CHL1: variants seen among roughly 807,000 people sequenced by gnomAD.
CHL1 encodes cell adhesion molecule L1 like.
In CHL1, 96 loss-of-function variants were observed where a neutral mutation model predicts 141.9. That is an observed-to-expected ratio of 0.68 (90% CI 0.57 to 0.80). The LOEUF is 0.80. CHL1 is among the 30% of genes least tolerant of loss of function. The probability of loss-of-function intolerance (pLI) is 0.00; values close to 1 mark genes in which losing one functional copy is unlikely to be tolerated. For missense variants in CHL1, 1,820 were observed against 1,457.2 expected (o/e 1.25, Z -4.05); for synonymous variants, 613 against 502.2 (o/e 1.22, Z -2.95).
At chr3:374,134 T>A (rs1706001470) in intron 15 of CHL1, 1 of 149,336 alleles carries the variant, frequency 6.7e-6, no homozygotes, top group African/African-American at 2.5e-5. Context: ...GCTTGCTTGG[T>A]CTATGTTGGT....
At chr3:343,372 G>C (rs1702495658) in intron 8 of CHL1, among the ~76,000 whole-genome samples, 1 of 151,264 alleles carries the variant, frequency 6.6e-6, no homozygotes, top group African/African-American at 2.5e-5. Flanking sequence ...AAATGGTTAA[G>C]TGTCAAAAGA....
chr3:323,272 G>C (rs991952016), intron 3 of CHL1, among the ~76,000 whole-genome samples: 12 of 152,040 alleles, frequency 7.9e-5, no homozygotes, highest in Non-Finnish European at 1.8e-4. Flanking sequence ...TAGAATTGTG[G>C]AGGACATGTA....
intron 2 of CHL1, among the ~76,000 whole-genome samples, chr3:266,375 A>G (rs995728525): frequency 6.6e-6 from 1 of 152,162 alleles, no homozygotes; most frequent in South Asian, 2.1e-4. Flanking sequence ...GGAAGGATGC[A>G]TTGGAAGCAA....
intron 2 of CHL1, among the ~76,000 whole-genome samples, chr3:299,535 A>G (rs563905987): frequency 1.3e-4 from 20 of 152,332 alleles, no homozygotes; most frequent in African/African-American, 4.6e-4. Context: ...AGAAATTACT[A>G]TGTTCCAGGT....
intron 2 of CHL1, among the ~76,000 whole-genome samples, chr3:265,102 C>T (rs945242302): frequency 9.9e-5 from 15 of 152,230 alleles, no homozygotes; most frequent in African/African-American, 3.1e-4. Flanking sequence ...GTGCCAAGTG[C>T]TGTGTTTATT....
At chr3:214,426 T>G (rs941345121) in intron 1 of CHL1, among the ~76,000 whole-genome samples, 1 of 152,224 alleles carries the variant, frequency 6.6e-6, no homozygotes, top group Non-Finnish European at 1.5e-5. Flanking sequence ...CTTGTATTCA[T>G]GTAACCTTCC....
chr3:387,812 A>G (rs1428864915), intron 19 of CHL1, among the ~76,000 whole-genome samples: 3 of 152,212 alleles, frequency 2.0e-5, no homozygotes. Flanking sequence ...AGGTCTGCAG[A>G]AAATCTCAGA....
At chr3:256,712 A>C (rs553198481) in intron 2 of CHL1, among the ~76,000 whole-genome samples, 1 of 152,322 alleles carries the variant, frequency 6.6e-6, no homozygotes, top group African/African-American at 2.4e-5. Context: ...GGCCCATAAA[A>C]TTCCCATGAA....
intron 1 of CHL1, chr3:213,133 GGGA>G (rs1428838624): frequency 6.6e-6 from 1 of 152,156 alleles, no homozygotes; most frequent in Admixed American, 6.6e-5. Flanking sequence ...TTATAAAATA[GGGA>G]GATTAGAAAA....
chr3:302,522 C>T (rs1221511419), intron 2 of CHL1, among the ~76,000 whole-genome samples: 1 of 152,098 alleles, frequency 6.6e-6, no homozygotes, highest in Non-Finnish European at 1.5e-5. Flanking sequence ...TTTCATATGT[C>T]TGTTGGCTGC....
chr3:360,566 G>A (rs1260441391), intron 12 of CHL1, 142 bp downstream of exon 12: 5 of 793,128 alleles, frequency 6.3e-6, no homozygotes, highest in Non-Finnish European at 9.9e-6. Flanking sequence ...TTGAGTTTTA[G>A]ACTTCACACT....
In CHL1 at chr3:314,325, A is replaced by ATG. The variant is rs200073063; in HGVS notation, c.-94-5354_-94-5353dup. Among the ~76,000 whole-genome samples the ATG allele has an allele frequency of 1.9e-3, 107 of 55,196 alleles. 2 individuals are homozygous for ATG. Among genetic ancestry groups the ATG allele is most frequent in the African/African-American group, 5.5e-3 (44 of 7,984 alleles). The allele number at this position is 55,196 out of a possible 152,430, so 36.2% of individuals were successfully genotyped here. On this transcript the variant is annotated intron_variant, in intron 2 of 27. Coordinates refer to ENST00000256509, the MANE Select transcript of CHL1 (RefSeq NM_006614.4). ...TCTCTCTCTTTCTCTCTCTCTCTCT[A>ATG]TGTGTATATATATATATATATATAT...
chr3:282,879 T>A (rs1417625533), intron 2 of CHL1: 1 of 152,196 alleles, frequency 6.6e-6, no homozygotes, highest in Non-Finnish European at 1.5e-5. Flanking sequence ...CTTTGCCACT[T>A]TTTATCTGTT....
At chr3:266,945 A>T (rs1381365522) in intron 2 of CHL1, among the ~76,000 whole-genome samples, 1 of 152,204 alleles carries the variant, frequency 6.6e-6, no homozygotes, top group African/African-American at 2.4e-5. Context: ...AAATACTAGG[A>T]ATCAAGTCTG....
intron 11 of CHL1, among the ~76,000 whole-genome samples, chr3:358,551 G>A (rs1411974462): frequency 1.3e-5 from 2 of 152,082 alleles, no homozygotes; most frequent in African/African-American, 4.8e-5. Context: ...ACTTACAGGG[G>A]CCTTTCAGGA....
At chr3:225,573 G>C (rs964247615) in intron 1 of CHL1, among the ~76,000 whole-genome samples, 6 of 143,230 alleles carry the variant, frequency 4.2e-5, no homozygotes, top group African/African-American at 1.6e-4. Context: ...TGAAGCAAAA[G>C]TGAAAGCTGG....
intron 2 of CHL1, among the ~76,000 whole-genome samples, chr3:286,185 G>A (rs1037284021): frequency 6.6e-6 from 1 of 152,142 alleles, no homozygotes; most frequent in African/African-American, 2.4e-5. Context: ...CTCCTGCAAG[G>A]CACTTATCAC....
intron 26 of CHL1, 63 bp downstream of exon 26, chr3:399,211 C>A: frequency 7.2e-7 from 1 of 1,395,276 alleles, no homozygotes; most frequent in South Asian, 1.2e-5. Context: ...AAGCATTCTT[C>A]AGAGACAACT....
At chr3:277,256 A>G (rs556439360) in intron 2 of CHL1, among the ~76,000 whole-genome samples, 2 of 152,328 alleles carry the variant, frequency 1.3e-5, no homozygotes, top group South Asian at 4.1e-4. Context: ...ATAAAGTGCT[A>G]AGATGTTCTC....
Sources: gnomAD v4.1 joint callset for allele counts (sites outside exome capture counted in the v4.1 genomes callset) on GRCh38, gnomAD v4.1.1 for gene constraint, MANE v1.5 for transcripts, NCBI Gene and HGNC (gene_info 2026-07-23, HGNC 2026-07-21) for gene names.